Variants in SLC22A25 observed in about 807,000 individuals in gnomAD.
SLC22A25 encodes solute carrier family 22 member 25.
Under a neutral mutation model 45.9 loss-of-function variants are expected in SLC22A25, and 44 were observed. The ratio of observed to expected loss-of-function variants is 0.96; its 90% CI spans 0.75 to 1.23. SLC22A25 has a LOEUF of 1.23. SLC22A25 is among the 50% of genes most tolerant of loss of function. SLC22A25 has a pLI of 0.00. For missense variants in SLC22A25, 800 were observed against 666.4 expected (o/e 1.20, Z -2.21); for synonymous variants, 283 against 238.6 (o/e 1.19, Z -1.72).
intron 7 of SLC22A25, among the ~76,000 whole-genome samples, chr11:63,211,617 T>C (rs1418649947): frequency 6.6e-6 from 1 of 152,142 alleles, no homozygotes; most frequent in Non-Finnish European, 1.5e-5. Flanking sequence ...TAGCCATATG[T>C]AGAAAGCTGA....
At chr11:63,202,147 C>T (rs1461416169) in intron 7 of SLC22A25, among the ~76,000 whole-genome samples, 2 of 152,118 alleles carry the variant, frequency 1.3e-5, no homozygotes, top group Non-Finnish European at 2.9e-5. Flanking sequence ...TCTTCACAGC[C>T]CGCAGACCAG....
rs770939363 is a variant in SLC22A25 at position 63,163,970 on chromosome 11, T to C, written c.1498A>G (p.Ile500Val). 5 of 1,613,898 alleles carry C rather than the reference T, an allele frequency of 3.1e-6. No homozygotes were observed. In the Admixed American group the frequency reaches 5.0e-5, roughly 16 times the overall value. Residue 500 changes from isoleucine (I) to valine (V), a missense_variant, in exon 12 of 12, where the codon ATC becomes GTC. Transcript: ENST00000306494. The part of the protein sequence containing the change: ...SIYSRPLPWI[I>V]YGVFAILSGL... ...GAGAGGATGGCAAAGACTCCATAGA[T>C]GATCCAGGGCAGGGGTCGAGAATAT...
chr11:63,228,652 T>C, intron 4 of SLC22A25, 88 bp from the exon 5 acceptor site: 1 of 952,330 alleles, frequency 1.1e-6, no homozygotes, highest in Non-Finnish European at 1.6e-6. Flanking sequence ...GCAAGTTTCA[T>C]TCTATCTTCC....
At chr11:63,225,146 G>C (rs963903367) in intron 5 of SLC22A25, among the ~76,000 whole-genome samples, 4 of 152,026 alleles carry the variant, frequency 2.6e-5, no homozygotes, top group Admixed American at 6.6e-5. Flanking sequence ...AAATAAAAAA[G>C]TTGTTTTAGT....
At position 63,183,821 on chromosome 11, in the gene SLC22A25, A is replaced by C. The variant is rs1412531857; in HGVS notation, c.831-4T>G. 6 of 1,612,734 alleles carry C rather than the reference A, an allele frequency of 3.7e-6. No individual in the cohort carries two copies. In the African/African-American group the frequency reaches 8.0e-5, roughly 22 times the overall value. On this transcript the variant is annotated splice_region_variant and splice_polypyrimidine_tract_variant and intron_variant, in intron 7 of 11. Transcript: ENST00000306494. ...CCGAGCAGACTCTGCCAGCCACCTG[A>C]GCAAAGAAGAGGACAGAGGTGCAGC...
rs189801805 is a variant in SLC22A25, at chr11:63,158,946, A to G, written c.*4878T>C. On this transcript the variant is annotated 3_prime_UTR_variant, in exon 12 of 12. Transcript: ENST00000306494. ...CTCTGGTAATCATCCTTCTCTCTCT[A>G]TGTCTATGAGTTCAATTGTTTTTAT... 9.5e-4 allele frequency among the ~76,000 whole-genome samples: 144 copies of G among 152,014 alleles called. No individual in the cohort carries two copies. The highest frequency in any genetic ancestry group is 3.3e-3 in the African/African-American group (136 of 41,454).
intron 3 of SLC22A25, among the ~76,000 whole-genome samples, chr11:63,231,801 AT>A (rs1354504803): frequency 2.0e-5 from 3 of 152,120 alleles, no homozygotes; most frequent in Admixed American, 1.3e-4. Context: ...TCTTGAATTA[AT>A]TTTTGTGTAA....
At chr11:63,215,764 C>G (rs2089693271) in intron 7 of SLC22A25, among the ~76,000 whole-genome samples, 1 of 152,124 alleles carries the variant, frequency 6.6e-6, no homozygotes, top group Admixed American at 6.6e-5. Flanking sequence ...GCTTCTCTCT[C>G]TCTTTCCAAA....
chr11:63,187,067 T>C (rs2088584222), intron 7 of SLC22A25, among the ~76,000 whole-genome samples: 1 of 152,174 alleles, frequency 6.6e-6, no homozygotes, highest in Admixed American at 6.5e-5. Context: ...AGTAGTTTTT[T>C]CCAATTCTAT....
intron 7 of SLC22A25, among the ~76,000 whole-genome samples, chr11:63,207,518 T>C (rs1304000421): frequency 6.6e-6 from 1 of 152,068 alleles, no homozygotes; most frequent in African/African-American, 2.4e-5. Context: ...GAAAAAAAGC[T>C]CATCATCACT....
chr11:63,219,914 G>A (rs1380395248), intron 5 of SLC22A25: 1 of 1,288,814 alleles, frequency 7.8e-7, no homozygotes, highest in Non-Finnish European at 1.0e-6. Flanking sequence ...CATACATTCA[G>A]GGTTTCAGGA....
Position 63,164,587 on chromosome 11 carries a change from C to A in SLC22A25, c.1333G>T (p.Ala445Ser). ...VVLATLGVGA[A>S]SLGITCSTAQ... ...GTAGAACAGGTAATGCCAAGAGAAG[C>A]AGCTCCCACACCCAGGGTTGCCAAA... is the stretch of plus-strand genomic sequence containing the variant. The change falls in exon 11 of 12, where the codon GCT (alanine) becomes TCT (serine). Residue 445 changes from alanine (A) to serine (S), a missense_variant. Ala to Ser is a moderately conservative substitution (Grantham distance 99). Transcript: ENST00000306494. 2.5e-6 allele frequency: 4 copies of A among 1,613,816 alleles called. No homozygotes were observed. The highest frequency in any genetic ancestry group is 3.4e-6 in the Non-Finnish European group (4 of 1,179,840).
intron 3 of SLC22A25, among the ~76,000 whole-genome samples, chr11:63,234,892 A>T (rs1287179346): frequency 4.6e-5 from 7 of 152,234 alleles, no homozygotes; most frequent in African/African-American, 1.4e-4. Flanking sequence ...CTCCTTCACT[A>T]ATGAAGCTTA....
rs1429519309 is a variant in SLC22A25 at position 63,162,758 on chromosome 11, A to G, written c.*1066T>C. ...ATTATTTGTAGATATTTTATATTTA[A>G]CCATTTAGAATCACAGTTGTAAATG... On this transcript the variant is annotated 3_prime_UTR_variant, in exon 12 of 12. Transcript: ENST00000306494. Among the ~76,000 whole-genome samples, 1 of 152,138 alleles carries G rather than the reference A, an allele frequency of 6.6e-6. No homozygotes were observed. Among genetic ancestry groups the G allele is most frequent in the Non-Finnish European group, 1.5e-5 (1 of 68,020 alleles).
rs199592346 is a variant in SLC22A25 at position 63,229,599 on chromosome 11, G to T, written c.54C>A (p.Ile18=). 3.4e-5 allele frequency: 55 copies of T among 1,612,872 alleles called. No homozygotes were observed. The highest frequency in any genetic ancestry group is 4.6e-5 in the Non-Finnish European group (54 of 1,179,082). ...DQVGGLGRFQ[I]LQMVFLIMFN... Reference sequence around the variant, plus strand: ...ACATTATAAGGAAAACCATCTGAAGGATCTGGAATCTCCCCAGGCCTCCAA... The same window carrying T: ...ACATTATAAGGAAAACCATCTGAAGTATCTGGAATCTCCCCAGGCCTCCAA... The change falls in exon 4 of 12, where the codon ATC becomes ATA. Residue 18 remains isoleucine, a synonymous_variant. Transcript: ENST00000306494.
At chr11:63,222,304 G>A (rs908663957) in intron 5 of SLC22A25, among the ~76,000 whole-genome samples, 25 of 151,788 alleles carry the variant, frequency 1.6e-4, no homozygotes, top group African/African-American at 5.1e-4. Flanking sequence ...AATTTATTTC[G>A]CCAACATTTT....
At chr11:63,178,267 CT>C (rs1477113685) in intron 9 of SLC22A25, among the ~76,000 whole-genome samples, 2 of 152,012 alleles carry the variant, frequency 1.3e-5, no homozygotes, top group Admixed American at 1.3e-4. Flanking sequence ...GGGAATACTG[CT>C]GCAAAAAACA....
At position 63,179,608 on chromosome 11, in the gene SLC22A25, CTG is replaced by C. The variant is rs1351186371; in HGVS notation, c.1070+1050_1070+1051del. Among the ~76,000 whole-genome samples the C allele has an allele frequency of 2.0e-5, 3 of 152,132 alleles. No homozygotes were observed. The East Asian group carries it at 5.8e-4, about 29-fold the overall frequency. ...TCTGATGTAGCAGCTTAACACCCAG[CTG>C]TCTTTGTTCTCAGTAGTTCTGAGGC... is the stretch of plus-strand genomic sequence containing the variant. On this transcript the variant is annotated intron_variant, in intron 9 of 11. Transcript: ENST00000306494.
chr11:63,224,963 G>A (rs991655901), intron 5 of SLC22A25, among the ~76,000 whole-genome samples: 77 of 152,116 alleles, frequency 5.1e-4, no homozygotes, highest in Non-Finnish European at 9.6e-4. Context: ...GCCAGGCGTG[G>A]TGGCGGGCGC....
Sources: gnomAD v4.1 joint callset for allele counts (sites outside exome capture counted in the v4.1 genomes callset) on GRCh38, gnomAD v4.1.1 for gene constraint, MANE v1.5 for transcripts, NCBI Gene and HGNC (gene_info 2026-07-23, HGNC 2026-07-21) for gene names.